SHLD2: variants seen among roughly 807,000 people sequenced by gnomAD.
SHLD2 encodes the protein RINN1-REV7-interacting novel NHEJ regulator 2.
A neutral mutation model predicts 73.2 loss-of-function variants in SHLD2; 30 were observed. The ratio of observed to expected loss-of-function variants is 0.41; its 90% CI spans 0.31 to 0.56. The LOEUF (loss-of-function observed/expected upper bound fraction) is 0.56. SHLD2 is among the 20% of genes least tolerant of loss of function. SHLD2 has a pLI of 0.28. For synonymous variants in SHLD2, 285 were observed against 370.1 expected, an observed-to-expected ratio of 0.77 and a Z score of 2.64; for missense variants, 745 against 1,055.9, an observed-to-expected ratio of 0.71 and a Z score of 4.08.
At chr10:87,128,187 C>G (rs1054297498) in intron 2 of SHLD2, among the ~76,000 whole-genome samples, 14 of 152,154 alleles carry the variant, frequency 9.2e-5, no homozygotes, top group Non-Finnish European at 1.6e-4. Context: ...TAACCATCCT[C>G]AACTCATAGG....
rs200660663 is a variant in SHLD2 at position 87,187,259 on chromosome 10, G to A, written c.2515+59G>A. On this transcript the variant is annotated intron_variant, in intron 9 of 9. Coordinates refer to ENST00000298786, the MANE Select transcript of SHLD2 (RefSeq NM_001330112.2). ...TATTCAGGAGTATAAATGGTATATC[G>A]GAACAGAAAGAGCACTGTACTTTAA... 1.3e-3 allele frequency: 1,292 copies of A among 996,098 alleles called. 3 individuals are homozygous for A. Among genetic ancestry groups the A allele is most frequent in the Non-Finnish European group, 1.7e-3 (1,040 of 617,844 alleles). The allele number at this position is 996,098 out of a possible 1,614,324, so 61.7% of individuals were successfully genotyped here.
Position 87,111,361 on chromosome 10 carries a change from G to A in SHLD2, c.-6+14372G>A, listed in dbSNP as rs61858892. 2.6e-3 allele frequency among the ~76,000 whole-genome samples: 400 copies of A among 151,888 alleles called. 2 individuals carry two copies. The highest frequency in any genetic ancestry group is 9.2e-3 in the African/African-American group (382 of 41,478). Reference sequence around the variant, plus strand: ...TATTTTTTGTATTATAGAAATGGGGGCCAGGCACAGTGCTCACTCCTGTAA... The same window carrying A: ...TATTTTTTGTATTATAGAAATGGGGACCAGGCACAGTGCTCACTCCTGTAA... On this transcript the variant is annotated intron_variant, in intron 2 of 9. Coordinates refer to ENST00000298786, the MANE Select transcript of SHLD2 (RefSeq NM_001330112.2).
chr10:87,124,851 C>T (rs1843882772), intron 2 of SHLD2, among the ~76,000 whole-genome samples: 1 of 150,132 alleles, frequency 6.7e-6, no homozygotes, highest in Non-Finnish European at 1.5e-5. Flanking sequence ...CTCAATTGAT[C>T]CTCCTACCTC....
upstream of SHLD2, chr10:87,095,185 G>A (rs1338298677): frequency 7.0e-6 from 1 of 143,092 alleles, no homozygotes; most frequent in South Asian, 2.2e-4. Flanking sequence ...GGGGCGGGTC[G>A]GGGCGGGCCC....
chr10:87,152,821 G>A lies in SHLD2; in HGVS notation c.1467G>A (p.Trp489Ter), dbSNP rs1846112143. 1.2e-6 allele frequency: 2 copies of A among 1,611,708 alleles called. No individual in the cohort carries two copies. The highest frequency in any genetic ancestry group is 1.3e-5 in the African/African-American group (1 of 74,948). The change falls in exon 3 of 10, where the codon TGG (tryptophan) becomes TGA (stop). Residue 489 changes from tryptophan to a stop codon, truncating the protein, a stop_gained. Transcript: ENST00000298786. LOFTEE classifies it high-confidence loss of function. ...AAACTAAGAAGAAGGTTTTTCTGTG[G>A]AGGACTGCAGCATTTTGGGCATTTA... is the stretch of plus-strand genomic sequence containing the variant. The part of the protein sequence containing the change: ...QSETKKKVFL[W>*]RTAAFWAFTV...
chr10:87,154,598 T>C (rs1246982339), intron 3 of SHLD2, among the ~76,000 whole-genome samples: 2 of 151,510 alleles, frequency 1.3e-5, no homozygotes, highest in Non-Finnish European at 1.5e-5. Flanking sequence ...CCGGGCTGGT[T>C]TCGAACTCCT....
At chr10:87,126,305 C>G (rs895448544) in intron 2 of SHLD2, among the ~76,000 whole-genome samples, 8 of 152,100 alleles carry the variant, frequency 5.3e-5, no homozygotes, top group Admixed American at 3.9e-4. Context: ...GTTTCGAACT[C>G]CTAGGCTCAA....
intron 9 of SHLD2, among the ~76,000 whole-genome samples, chr10:87,189,643 TTAG>T (rs1848901267): frequency 6.6e-6 from 1 of 152,154 alleles, no homozygotes; most frequent in African/African-American, 2.4e-5. Flanking sequence ...TGTCAAGGGG[TTAG>T]TACGGTCTGA....
chr10:87,095,649 G>A (rs1589398775), intron 1 of SHLD2, among the ~76,000 whole-genome samples: 1 of 152,220 alleles, frequency 6.6e-6, no homozygotes, highest in Non-Finnish European at 1.5e-5. Flanking sequence ...GGAGTCACTC[G>A]CCCACAAGCT....
chr10:87,102,040 ATG>A (rs1259727765), intron 2 of SHLD2, among the ~76,000 whole-genome samples: 3 of 152,020 alleles, frequency 2.0e-5, no homozygotes, highest in Non-Finnish European at 4.4e-5. Context: ...TCCAATCTGA[ATG>A]TGTTTTATTT....
intron 2 of SHLD2, among the ~76,000 whole-genome samples, chr10:87,104,741 A>C (rs1015351627): frequency 6.6e-6 from 1 of 151,262 alleles, no homozygotes; most frequent in Non-Finnish European, 1.5e-5. Flanking sequence ...GCTCGCTGCA[A>C]CCTCCACTTC....
At position 87,190,594 on chromosome 10, in the gene SHLD2, G is replaced by C; in HGVS notation, c.2626G>C (p.Asp876His). 3 of 1,611,932 alleles carry C rather than the reference G, an allele frequency of 1.9e-6. No individual in the cohort carries two copies. The highest frequency in any genetic ancestry group is 2.5e-6 in the Non-Finnish European group (3 of 1,179,804). Residue 876 changes from aspartate (D) to histidine (H), a missense_variant, in exon 10 of 10, where the codon GAT becomes CAT. Asp to His is a moderately conservative substitution (Grantham distance 81). This residue lies in a region of SHLD2 where 418 missense variants were observed against 567.8 expected (regional missense o/e 0.74). Coordinates refer to ENST00000298786, the MANE Select transcript of SHLD2 (RefSeq NM_001330112.2). ...AAAGATTCAGAGCCTTTTTGTGTTA[G>C]ATGAAAACAGCTATCCATTACAACA... ...VLKIQSLFVL[D>H]ENSYPLQQDF...
At chr10:87,128,437 A>G (rs1204373162) in intron 2 of SHLD2, among the ~76,000 whole-genome samples, 1 of 152,224 alleles carries the variant, frequency 6.6e-6, no homozygotes, top group Non-Finnish European at 1.5e-5. Context: ...TCCAACATGG[A>G]GTAGTCTCTG....
chr10:87,139,034 A>C (rs1030198348), intron 2 of SHLD2, among the ~76,000 whole-genome samples: 23 of 152,270 alleles, frequency 1.5e-4, no homozygotes, highest in African/African-American at 5.5e-4. Flanking sequence ...AGAATCTTTG[A>C]TTGGACACTC....
At chr10:87,107,629 C>T (rs1456764116) in intron 2 of SHLD2, among the ~76,000 whole-genome samples, 1 of 152,098 alleles carries the variant, frequency 6.6e-6, no homozygotes, top group Non-Finnish European at 1.5e-5. Flanking sequence ...ACAGAAAAGA[C>T]CTTGACATGT....
intron 3 of SHLD2, 77 bp downstream of exon 3, chr10:87,152,956 T>A (rs970496605): frequency 7.4e-7 from 1 of 1,359,742 alleles, no homozygotes; most frequent in Non-Finnish European, 1.0e-6. Context: ...TCCCACTTAG[T>A]CTTTGAAGAC....
At chr10:87,160,229 G>C (rs1214359280) in intron 4 of SHLD2, among the ~76,000 whole-genome samples, 1 of 152,072 alleles carries the variant, frequency 6.6e-6, no homozygotes, top group Non-Finnish European at 1.5e-5. Context: ...GCTTATGCCT[G>C]TAATCCCAGC....
In SHLD2 at chr10:87,182,266, C is replaced by T. The variant is rs570800617; in HGVS notation, c.2399+1963C>T. On this transcript the variant is annotated intron_variant, in intron 8 of 9. Coordinates refer to ENST00000298786, the MANE Select transcript of SHLD2 (RefSeq NM_001330112.2). ...CAGTCAAATATTTATTAGGAATCCA[C>T]GTATGTTCACATATCACATATGTAC... Among the ~76,000 whole-genome samples the T allele has an allele frequency of 1.3e-4, 20 of 152,290 alleles. No homozygotes were observed. In the South Asian group the frequency reaches 4.2e-3, roughly 32 times the overall value.
At chr10:87,095,349 C>G (rs1564570784) in intron 1 of SHLD2, 101 bp downstream of exon 1, 1 of 151,912 alleles carries the variant, frequency 6.6e-6, no homozygotes, top group Non-Finnish European at 1.5e-5. Flanking sequence ...CGAGTCCCCC[C>G]GAGCGCCGCG....
Sources: allele counts gnomAD v4.1 joint callset (sites outside exome capture counted in the v4.1 genomes callset), GRCh38; gene constraint gnomAD v4.1.1; regional missense constraint gnomAD v4.1.1; transcripts MANE v1.5; gene names NCBI Gene and HGNC (gene_info 2026-07-23, HGNC 2026-07-21).